The following BRWD1 variants were observed in gnomAD, a reference collection of about 807,000 sequenced individuals.
The protein encoded by BRWD1 is bromodomain and WD repeat-containing protein 1.
Under a neutral mutation model 251.2 loss-of-function variants are expected in BRWD1, and 82 were observed. The ratio of observed to expected loss-of-function variants is 0.33; its 90% CI spans 0.27 to 0.39. The LOEUF is 0.39. Among genes scored for constraint, BRWD1 ranks in the 10% least tolerant of loss-of-function variants. The probability of loss-of-function intolerance (pLI) is 1.00; values close to 1 mark genes in which losing one functional copy is unlikely to be tolerated. For synonymous variants in BRWD1, 918 were observed against 902.8 expected, an observed-to-expected ratio of 1.02 and a Z score of -0.30; for missense variants, 2,233 against 2,711.6, an observed-to-expected ratio of 0.82 and a Z score of 3.92.
chr21:39,290,384 G>A (rs577625709), intron 8 of BRWD1, among the ~76,000 whole-genome samples: 53 of 151,998 alleles, frequency 3.5e-4, no homozygotes, highest in African/African-American at 1.2e-3. Flanking sequence ...AGCTACTCGG[G>A]AGGCTGAGGC....
At chr21:39,256,248 T>C (rs149373648) in intron 18 of BRWD1, among the ~76,000 whole-genome samples, 188 of 152,380 alleles carry the variant, frequency 1.2e-3, no homozygotes, top group African/African-American at 4.3e-3. Flanking sequence ...ACATTATATA[T>C]GCATTCCTAA....
At position 39,190,084 on chromosome 21, in the gene BRWD1, GACC is replaced by G. The variant is rs2031468494; in HGVS notation, c.*6172_*6174del. 6 of 985,206 alleles carry G rather than the reference GACC, an allele frequency of 6.1e-6. No individual in the cohort carries two copies. The highest frequency in any genetic ancestry group is 5.2e-4 in the Middle Eastern group (1 of 1,936). The allele number at this position is 985,206 out of a possible 1,614,324, so 61.0% of individuals were successfully genotyped here. A position where few individuals can be genotyped will look rare whatever the true frequency, so the allele number is the denominator to read the frequency against. On this transcript the variant is annotated 3_prime_UTR_variant, in exon 41 of 41. Transcript: ENST00000342449. ...GCACTCCATGATCATTTCCCTGGAT[GACC>G]ACTTTAAATTATAACTCACAGATAT...
At chr21:39,258,268 T>A in intron 18 of BRWD1, among the ~76,000 whole-genome samples, 1 of 152,224 alleles carries the variant, frequency 6.6e-6, no homozygotes, top group South Asian at 2.1e-4. Flanking sequence ...TACTGTATTT[T>A]TAGAGTACAA....
At chr21:39,229,980 G>A (rs183651784) in intron 25 of BRWD1, among the ~76,000 whole-genome samples, 1 of 152,266 alleles carries the variant, frequency 6.6e-6, no homozygotes, top group African/African-American at 2.4e-5. Flanking sequence ...CTCAAGTGAT[G>A]CTCCCACAAC....
intron 8 of BRWD1, among the ~76,000 whole-genome samples, chr21:39,288,174 G>A (rs528326391): frequency 6.6e-6 from 1 of 152,132 alleles, no homozygotes; most frequent in African/African-American, 2.4e-5. Flanking sequence ...CTTTCCATAG[G>A]GCAGTTTGAG....
intron 34 of BRWD1, among the ~76,000 whole-genome samples, 160 bp downstream of exon 34, chr21:39,212,506 A>G (rs891808098): frequency 6.6e-6 from 1 of 151,966 alleles, no homozygotes; most frequent in East Asian, 1.9e-4. Flanking sequence ...ACAAATTCCA[A>G]CTCTCCCACT....
intron 27 of BRWD1, among the ~76,000 whole-genome samples, chr21:39,228,015 C>A (rs1297271324): frequency 6.6e-6 from 1 of 152,102 alleles, no homozygotes; most frequent in Admixed American, 6.6e-5. Flanking sequence ...TAGGGCTGGG[C>A]ACGGTGGCTC....
At chr21:39,255,393 C>T (rs2034530748) in intron 19 of BRWD1, among the ~76,000 whole-genome samples, 1 of 151,086 alleles carries the variant, frequency 6.6e-6, no homozygotes, top group African/African-American at 2.4e-5. Context: ...GCCTGCGCAA[C>T]GAGAGCGAAA....
Position 39,222,760 on chromosome 21 carries a change from G to A in BRWD1, c.3382+1648C>T, listed in dbSNP as rs534150151. Among the ~76,000 whole-genome samples the A allele has an allele frequency of 3.3e-5, 5 of 152,306 alleles. No individual in the cohort carries two copies. In the East Asian group the frequency reaches 9.6e-4, roughly 29 times the overall value. ...ATTATCAACGGATGCTACAATTAGT[G>A]AGTGGAAACAGCATAAGAAACAAGA... is the stretch of plus-strand genomic sequence containing the variant. On this transcript the variant is annotated intron_variant, in intron 29 of 40. Coordinates refer to ENST00000342449, the MANE Select transcript of BRWD1 (RefSeq NM_033656.4).
intron 33 of BRWD1, among the ~76,000 whole-genome samples, chr21:39,213,161 T>G (rs1413840151): frequency 1.3e-5 from 2 of 152,182 alleles, no homozygotes; most frequent in Non-Finnish European, 2.9e-5. Flanking sequence ...CATCTCAGCC[T>G]GCTAAAGCAC....
chr21:39,284,439 C>T (rs2035567008), intron 8 of BRWD1, among the ~76,000 whole-genome samples: 1 of 152,204 alleles, frequency 6.6e-6, no homozygotes, highest in Non-Finnish European at 1.5e-5. Flanking sequence ...GATTACACCA[C>T]TGCACTCCAG....
chr21:39,194,432 TAGTC>T lies in BRWD1; in HGVS notation c.*1823_*1826del. Reference sequence around the variant, plus strand: ...GGCATCCCATTAGTCTTTTCAGTCTTAGTCAAGGACAATTATCATGAATCAATCT... The same window carrying T: ...GGCATCCCATTAGTCTTTTCAGTCTTAAGGACAATTATCATGAATCAATCT... On this transcript the variant is annotated 3_prime_UTR_variant, in exon 41 of 41. Coordinates refer to ENST00000342449, the MANE Select transcript of BRWD1 (RefSeq NM_033656.4). 1 of 1,265,558 alleles carries T rather than the reference TAGTC, an allele frequency of 7.9e-7. No individual in the cohort carries two copies. Among genetic ancestry groups the T allele is most frequent in the Non-Finnish European group, 9.9e-7 (1 of 1,005,288 alleles). 78.4% of individuals were successfully genotyped at this position (1,265,558 alleles called of 1,614,324 possible). A position where few individuals can be genotyped will look rare whatever the true frequency, so the allele number is the denominator to read the frequency against.
At position 39,313,564 on chromosome 21, in the gene BRWD1, G is replaced by A. The variant is rs2036596159; in HGVS notation, c.-73C>T. ...GTAGGCCGCGCCGAGGCCTGACCGG[G>A]CTGGCGTCCCCTCTTCTCAGGCGCG... On this transcript the variant is annotated 5_prime_UTR_variant, in exon 1 of 41. Transcript: ENST00000342449. The A allele has an allele frequency of 2.5e-6, 3 of 1,224,206 alleles. No homozygotes were observed. Among genetic ancestry groups the A allele is most frequent in the African/African-American group, 1.6e-5 (1 of 61,578 alleles). The allele number at this position is 1,224,206 out of a possible 1,614,324, so 75.8% of individuals were successfully genotyped here.
intron 15 of BRWD1, among the ~76,000 whole-genome samples, chr21:39,265,488 A>C (rs899312144): frequency 6.6e-6 from 1 of 152,008 alleles, no homozygotes; most frequent in African/African-American, 2.4e-5. Context: ...ACTATTCCAA[A>C]AAAATAAAAT....
chr21:39,311,066 G>A (rs1374513002), intron 4 of BRWD1, among the ~76,000 whole-genome samples: 2 of 150,644 alleles, frequency 1.3e-5, no homozygotes, highest in African/African-American at 5.0e-5. Flanking sequence ...ATATGTCATA[G>A]CCAAATCACA....
At chr21:39,286,101 G>A (rs909723493) in intron 8 of BRWD1, among the ~76,000 whole-genome samples, 3 of 140,294 alleles carry the variant, frequency 2.1e-5, no homozygotes, top group East Asian at 2.1e-4. Flanking sequence ...TGCAAGCTCC[G>A]TCTCCCAGGT....
At chr21:39,210,183 A>G in intron 35 of BRWD1, 36 bp from the exon 36 acceptor site, 1 of 1,513,976 alleles carries the variant, frequency 6.6e-7, no homozygotes, top group Non-Finnish European at 9.0e-7. Flanking sequence ...TCATAGATTC[A>G]TTTCTTGCTT....
chr21:39,287,440 AG>A (rs1259254233), intron 8 of BRWD1, among the ~76,000 whole-genome samples: 1 of 152,234 alleles, frequency 6.6e-6, no homozygotes, highest in African/African-American at 2.4e-5. Context: ...AAGTAGGTAG[AG>A]AAAATGTTTA....
chr21:39,194,943 T>C lies in BRWD1; in HGVS notation c.*1316A>G. On this transcript the variant is annotated 3_prime_UTR_variant, in exon 41 of 41. Coordinates refer to ENST00000342449, the MANE Select transcript of BRWD1 (RefSeq NM_033656.4). ...TAACATATCCCTTACCCACTAAATA[T>C]GTAAACCATTTGAATCAAGTCCATC... 2.0e-6 allele frequency: 3 copies of C among 1,465,036 alleles called. No homozygotes were observed. Among genetic ancestry groups the C allele is most frequent in the Non-Finnish European group, 1.8e-6 (2 of 1,113,670 alleles). The allele number at this position is 1,465,036 out of a possible 1,614,324, so 90.8% of individuals were successfully genotyped here.
Sources: allele counts gnomAD v4.1 joint callset (sites outside exome capture counted in the v4.1 genomes callset), GRCh38; gene constraint gnomAD v4.1.1; transcripts MANE v1.5; gene names NCBI Gene and HGNC (gene_info 2026-07-23, HGNC 2026-07-21).